Variants in PRR12 observed in about 807,000 individuals in gnomAD.
PRR12 encodes proline-rich protein 12.
Under a neutral mutation model 138.0 loss-of-function variants are expected in PRR12, and 12 were observed. That is an observed-to-expected ratio of 0.09 (90% CI 0.06 to 0.14). The LOEUF is 0.14. Among genes scored for constraint, PRR12 ranks in the 10% least tolerant of loss-of-function variants. The pLI is 1.00. For missense variants in PRR12, 2,692 were observed against 2,861.3 expected (o/e 0.94, Z 1.35); for synonymous variants, 1,567 against 1,291.7 (o/e 1.21, Z -4.57).
rs549754880 is a variant in PRR12, at chr19:49,596,463, C to T, written c.2128C>T (p.Leu710=). 2 of 1,611,380 alleles carry T rather than the reference C, an allele frequency of 1.2e-6. No homozygotes were observed. The highest frequency in any genetic ancestry group is 1.3e-5 in the African/African-American group (1 of 74,998). The part of the protein sequence containing the change: ...LQSVIRTSAS[L]DEGATAALEL... ...GAGTGTCATCCGCACCAGTGCCAGC[C>T]TGGATGAGGGTGCCACTGCGGCACT... is the stretch of plus-strand genomic sequence containing the variant. Residue 710 remains leucine (L), a synonymous_variant, in exon 4 of 14, where the codon CTG becomes TTG. Transcript: ENST00000418929. The surrounding 1 kb of genome is among the most constrained non-coding windows in gnomAD (Gnocchi z 5.6).
intron 6 of PRR12, among the ~76,000 whole-genome samples, chr19:49,610,544 C>CTTTTTTTTTTTTTTTTTT (rs1402169174): frequency 1.1e-5 from 1 of 89,800 alleles, no homozygotes; most frequent in African/African-American, 7.9e-5. Flanking sequence ...AACCCTGTTC[C>CTTTTTTTTTTTTTTTTTT]TATTTTTTTT....
rs756304053 is a variant in PRR12, at chr19:49,595,869, G to A, written c.1534G>A (p.Glu512Lys). Residue 512 changes from glutamate (E) to lysine (K), a missense_variant, in exon 4 of 14, where the codon GAG (glutamate) becomes AAG (lysine). Coordinates refer to ENST00000418929, the MANE Select transcript of PRR12 (RefSeq NM_020719.3). Reference sequence around the variant, plus strand: ...GGGGCAGCTGTATGGGGTGCAGGGCGAGCCATACCCAGGGCCAGCCGCCCA... The same window carrying A: ...GGGGCAGCTGTATGGGGTGCAGGGCAAGCCATACCCAGGGCCAGCCGCCCA... ...LQGQLYGVQGEPYPGPAAHSQ... is the reference protein window; with the variant it reads ...LQGQLYGVQGKPYPGPAAHSQ... The A allele has an allele frequency of 4.4e-6, 7 of 1,603,272 alleles. No individual in the cohort carries two copies. Among genetic ancestry groups the A allele is most frequent in the South Asian group, 2.2e-5 (2 of 90,946 alleles).
intron 6 of PRR12, among the ~76,000 whole-genome samples, chr19:49,608,696 C>CAGGCTGGGCAACATTGTG (rs2080850430): frequency 6.6e-6 from 1 of 152,068 alleles, no homozygotes; most frequent in Non-Finnish European, 1.5e-5. Context: ...AAAACTTAAC[C>CAGGCTGGGCAACATTGTG]AGACATGGTG....
At chr19:49,621,266 T>G (rs565569454) in intron 10 of PRR12, among the ~76,000 whole-genome samples, 1 of 122,556 alleles carries the variant, frequency 8.2e-6, no homozygotes, top group East Asian at 2.8e-4. Flanking sequence ...GGGTCTGGAC[T>G]CCTGGGTCTG....
Position 49,601,554 on chromosome 19 carries a change from A to AGCCTCC in PRR12, c.4413_4418dup (p.Pro1477_Pro1478dup), listed in dbSNP as rs1401225066. The AGCCTCC allele has an allele frequency of 2.6e-6, 4 of 1,523,058 alleles. No homozygotes were observed. In the Admixed American group the frequency reaches 6.2e-5, roughly 23 times the overall value. 94.3% of individuals were successfully genotyped at this position (1,523,058 alleles called of 1,614,324 possible). A position where few individuals can be genotyped will look rare whatever the true frequency, so the allele number is the denominator to read the frequency against. ...CCTCCTGCCCCGACTCCTCAGCCTC[A>AGCCTCC]GCCTCCGCCACCCCCTCCGCCGCCA... On this transcript the variant is annotated inframe_insertion, in exon 6 of 14. Transcript: ENST00000418929.
At chr19:49,610,386 C>G (rs1378062455) in intron 6 of PRR12, among the ~76,000 whole-genome samples, 2 of 152,108 alleles carry the variant, frequency 1.3e-5, no homozygotes, top group Non-Finnish European at 2.9e-5. Context: ...TTCAGTTTCT[C>G]AGAAGAAAAT....
chr19:49,622,922 TATATATAGAG>T (rs753988377), intron 11 of PRR12, among the ~76,000 whole-genome samples: 73 of 83,056 alleles, frequency 8.8e-4, no homozygotes, highest in Middle Eastern at 7.0e-3. Flanking sequence ...TATATATATA[TATATATAGAG>T]AGAGAGAGAG....
At position 49,616,027 on chromosome 19, in the gene PRR12, C is replaced by G; in HGVS notation, c.5305C>G (p.Arg1769Gly). Residue 1769 changes from arginine (R) to glycine (G), a missense_variant, in exon 9 of 14, where the codon CGG becomes GGG. Physicochemically the swap from Arg to Gly is moderately radical, Grantham distance 125 (BLOSUM62 -2). Around this residue, in one of 11 missense-constraint regions of PRR12, gnomAD observed 259 missense variants for 265.1 expected, o/e 0.98. Coordinates refer to ENST00000418929, the MANE Select transcript of PRR12 (RefSeq NM_020719.3). This position sits in a 1 kb window ranked among gnomAD's most constrained non-coding sequence, Gnocchi z 4.2. ...ATSGRQTRPE[R>G]SLATGQPATS... The stretch of plus-strand genomic sequence containing the variant: ...CAGCGGACGGCAGACACGGCCAGAG[C>G]GGAGTCTCGCCACGGGACAACCTGC... The G allele has an allele frequency of 6.4e-7, 1 of 1,554,888 alleles. No individual in the cohort carries two copies. Among genetic ancestry groups the G allele is most frequent in the Non-Finnish European group, 8.7e-7 (1 of 1,149,326 alleles).
intron 6 of PRR12, among the ~76,000 whole-genome samples, chr19:49,604,224 C>T (rs2080826907): frequency 6.6e-6 from 1 of 151,806 alleles, no homozygotes. Flanking sequence ...TAGAGCAGGC[C>T]GGGAGTGGTG....
chr19:49,601,541 A>T lies in PRR12; in HGVS notation c.4396A>T (p.Thr1466Ser), dbSNP rs1278324542. ...CCCACCCACTCCACCTCCTGCCCCGACTCCTCAGCCTCAGCCTCCGCCACC... is the reference window on the plus strand; with the variant it reads ...CCCACCCACTCCACCTCCTGCCCCGTCTCCTCAGCCTCAGCCTCCGCCACC... ...KPPPTPPPAP[T>S]PQPQPPPPPP... is the part of the protein sequence containing the mutation. Residue 1466 changes from threonine (T) to serine (S), a missense_variant, in exon 6 of 14, where the codon ACT (threonine) becomes TCT (serine). Thr to Ser is a moderately conservative substitution (Grantham distance 58). Transcript: ENST00000418929. 6.8e-7 allele frequency: 1 copy of T among 1,476,734 alleles called. No homozygotes were observed. The highest frequency in any genetic ancestry group is 1.6e-5 in the African/African-American group (1 of 64,408). 91.5% of individuals were successfully genotyped at this position (1,476,734 alleles called of 1,614,324 possible). A position where few individuals can be genotyped will look rare whatever the true frequency, so the allele number is the denominator to read the frequency against.
rs2080952469 is a variant in PRR12 at position 49,625,858 on chromosome 19, G to A, written c.*251G>A. 2.7e-6 allele frequency: 1 copy of A among 369,214 alleles called. No individual in the cohort carries two copies. Among genetic ancestry groups the A allele is most frequent in the Admixed American group, 4.5e-5 (1 of 22,042 alleles). The allele number at this position is 369,214 out of a possible 1,614,324, so 22.9% of individuals were successfully genotyped here. On this transcript the variant is annotated 3_prime_UTR_variant, in exon 14 of 14. Transcript: ENST00000418929. The surrounding 1 kb of genome is among the most constrained non-coding windows in gnomAD (Gnocchi z 5.5). ...AAATTATTTATATATATGTATAAATGTCTATTTAGTAACGGTTTCCCTCTC... is the reference window on the plus strand; with the variant it reads ...AAATTATTTATATATATGTATAAATATCTATTTAGTAACGGTTTCCCTCTC...
intron 6 of PRR12, among the ~76,000 whole-genome samples, chr19:49,608,650 T>G (rs2080850190): frequency 6.6e-6 from 1 of 151,838 alleles, no homozygotes; most frequent in African/African-American, 2.4e-5. Flanking sequence ...ATTACAGGTG[T>G]GAGCCACCGC....
intron 6 of PRR12, among the ~76,000 whole-genome samples, chr19:49,612,375 A>C (rs2080871360): frequency 6.6e-6 from 1 of 152,102 alleles, no homozygotes; most frequent in African/African-American, 2.4e-5. Flanking sequence ...TATGAGTGAC[A>C]TGATGAGAGG....
At chr19:49,591,801 GCCGGGCCGGGCCGGGCCCGC>G in intron 1 of PRR12, 61 bp downstream of exon 1, 1 of 957,600 alleles carries the variant, frequency 1.0e-6, no homozygotes, top group Non-Finnish European at 1.4e-6. Flanking sequence ...GCCGGGCCGG[GCCGGGCCGGGCCGGGCCCGC>G]CCGGCGACGC....
At chr19:49,617,352 G>A (rs1290234028) in intron 9 of PRR12, among the ~76,000 whole-genome samples, 1 of 152,146 alleles carries the variant, frequency 6.6e-6, no homozygotes, top group Non-Finnish European at 1.5e-5. Context: ...TGGGGGCTGG[G>A]TGTGGTGGCT....
In PRR12 at chr19:49,597,468, C is replaced by G; in HGVS notation, c.3133C>G (p.Pro1045Ala). 6.5e-7 allele frequency: 1 copy of G among 1,543,592 alleles called. No homozygotes were observed. The highest frequency in any genetic ancestry group is 8.7e-7 in the Non-Finnish European group (1 of 1,146,508). The part of the protein sequence containing the change: ...HQAAPPPPPP[P>A]PPPPAPASEP... The stretch of plus-strand genomic sequence containing the variant: ...GGCGGCGCCACCACCCCCGCCTCCG[C>G]CACCGCCGCCTCCCGCGCCGGCCTC... Residue 1045 changes from proline (P) to alanine (A), a missense_variant, in exon 4 of 14, where the codon CCA becomes GCA. Physicochemically the swap from Pro to Ala is conservative, Grantham distance 27 (BLOSUM62 -1). Coordinates refer to ENST00000418929, the MANE Select transcript of PRR12 (RefSeq NM_020719.3). The surrounding 1 kb of genome is among the most constrained non-coding windows in gnomAD (Gnocchi z 6.3).
chr19:49,596,836 A>AGCCACCTCCACCGCCACCCCC lies in PRR12; in HGVS notation c.2505_2525dup (p.Pro839_Pro845dup). Reference sequence around the variant, plus strand: ...CCAGCCACCCGCGATGGGGCACCCCAGCCACCTCCACCGCCACCCCCGCCT... The same window carrying AGCCACCTCCACCGCCACCCCC: ...CCAGCCACCCGCGATGGGGCACCCCAGCCACCTCCACCGCCACCCCCGCCACCTCCACCGCCACCCCCGCCT... On this transcript the variant is annotated inframe_insertion, in exon 4 of 14. Coordinates refer to ENST00000418929, the MANE Select transcript of PRR12 (RefSeq NM_020719.3). This position sits in a 1 kb window ranked among gnomAD's most constrained non-coding sequence, Gnocchi z 5.6. 1 of 1,587,692 alleles carries AGCCACCTCCACCGCCACCCCC rather than the reference A, an allele frequency of 6.3e-7. No homozygotes were observed. The highest frequency in any genetic ancestry group is 8.5e-7 in the Non-Finnish European group (1 of 1,174,122).
chr19:49,591,607 C>T lies in PRR12; in HGVS notation c.-48C>T, dbSNP rs1372865268. The T allele has an allele frequency of 5.1e-6, 2 of 391,586 alleles. No homozygotes were observed. The highest frequency in any genetic ancestry group is 9.6e-6 in the Non-Finnish European group (2 of 207,368). The allele number at this position is 391,586 out of a possible 1,614,324, so 24.3% of individuals were successfully genotyped here. A position where few individuals can be genotyped will look rare whatever the true frequency, so the allele number is the denominator to read the frequency against. On this transcript the variant is annotated 5_prime_UTR_variant, in exon 1 of 14. Coordinates refer to ENST00000418929, the MANE Select transcript of PRR12 (RefSeq NM_020719.3). ...GAGGAGAGCGCGCGCGCGCCCCCTC[C>T]CTCCCTCCCTCCCTCCCCCTCCCCC...
At chr19:49,613,330 CAAAAAAAAA>C (rs781467379) in intron 6 of PRR12, among the ~76,000 whole-genome samples, 1 of 76,708 alleles carries the variant, frequency 1.3e-5, no homozygotes, top group Non-Finnish European at 2.9e-5. Context: ...GGCTCCATCT[CAAAAAAAAA>C]AAAAAAAAAA....
Sources: gnomAD v4.1 joint callset for allele counts (sites outside exome capture counted in the v4.1 genomes callset) on GRCh38, gnomAD v4.1.1 for gene constraint, gnomAD v4.1.1 regional missense constraint, Gnocchi (gnomAD v3.1) non-coding constraint, MANE v1.5 for transcripts, NCBI Gene and HGNC (gene_info 2026-07-23, HGNC 2026-07-21) for gene names.